Variants in ARHGAP31 observed in about 807,000 individuals in gnomAD.
ARHGAP31 encodes the protein rho GTPase-activating protein 31.
A neutral mutation model predicts 113.9 loss-of-function variants in ARHGAP31; 34 were observed. That is an observed-to-expected ratio of 0.30 (90% confidence interval 0.23 to 0.40). The LOEUF is 0.40. Ranked by LOEUF, ARHGAP31 falls within the 10% of genes least tolerant of loss-of-function variation. ARHGAP31 has a pLI of 1.00. For missense variants in ARHGAP31, 1,548 were observed against 1,767.1 expected, an observed-to-expected ratio of 0.88 and a Z score of 2.22; for synonymous variants, 650 against 684.8, an observed-to-expected ratio of 0.95 and a Z score of 0.79.
At chr3:119,382,651 G>A (rs937315170) in intron 5 of ARHGAP31, among the ~76,000 whole-genome samples, 2 of 152,208 alleles carry the variant, frequency 1.3e-5, no homozygotes, top group African/African-American at 2.4e-5. Flanking sequence ...TTATGGGTCT[G>A]TATGTTAAAA....
chr3:119,303,632 A>G (rs993805406), intron 1 of ARHGAP31, among the ~76,000 whole-genome samples: 2 of 152,152 alleles, frequency 1.3e-5, no homozygotes, highest in African/African-American at 4.8e-5. Flanking sequence ...CAAAAGCAAC[A>G]TATACCAGCT....
rs2079706090 is a variant in ARHGAP31 at position 119,313,917 on chromosome 3, C to CA, written c.100+18917dup. 2.0e-5 allele frequency among the ~76,000 whole-genome samples: 3 copies of CA among 152,296 alleles called. No homozygotes were observed. In the South Asian group the frequency reaches 6.2e-4, roughly 32 times the overall value. On this transcript the variant is annotated intron_variant, in intron 1 of 11. Transcript: ENST00000264245. Reference sequence around the variant, plus strand: ...TATATCCATAGATTCTTATAGTGGGCAAAAGGAGAATGTCTTAATAAGAGC... The same window carrying CA: ...TATATCCATAGATTCTTATAGTGGGCAAAAAGGAGAATGTCTTAATAAGAGC...
At chr3:119,361,538 C>T (rs555099936) in intron 1 of ARHGAP31, among the ~76,000 whole-genome samples, 1 of 152,246 alleles carries the variant, frequency 6.6e-6, no homozygotes, top group African/African-American at 2.4e-5. Flanking sequence ...CCCGCCACCA[C>T]ACCTGGCAAA....
At position 119,409,625 on chromosome 3, in the gene ARHGAP31, G is replaced by A; in HGVS notation, c.1775G>A (p.Ser592Asn). The A allele has an allele frequency of 6.2e-7, 1 of 1,613,702 alleles. No homozygotes were observed. Residue 592 changes from serine to asparagine, a missense_variant, in exon 11 of 12, where the codon AGC (serine) becomes AAC (asparagine). Ser to Asn is a conservative substitution (Grantham distance 46, BLOSUM62 1). Transcript: ENST00000264245. ...AHLEEKKTPE[S>N]SLSSQHLNEL... ...CTGGAGGAGAAGAAAACCCCAGAAA[G>A]CTCCTTGAGCTCTCAACATTTAAAT...
chr3:119,360,548 G>A (rs928016608), intron 1 of ARHGAP31, among the ~76,000 whole-genome samples: 1 of 152,200 alleles, frequency 6.6e-6, no homozygotes, highest in African/African-American at 2.4e-5. Flanking sequence ...GGGTGACTTC[G>A]AGAAATGTTT....
intron 2 of ARHGAP31, among the ~76,000 whole-genome samples, chr3:119,365,838 T>C (rs766750178): frequency 7.2e-5 from 11 of 152,204 alleles, no homozygotes; most frequent in Non-Finnish European, 1.5e-4. Flanking sequence ...ACCCTCAAAT[T>C]TGATGTTTTG....
chr3:119,387,183 C>T (rs926791986), intron 6 of ARHGAP31, among the ~76,000 whole-genome samples: 13 of 152,292 alleles, frequency 8.5e-5, no homozygotes, highest in Admixed American at 6.5e-5. Context: ...GACCACAGTC[C>T]GCCTGGTAAC....
At chr3:119,399,166 A>C (rs1221849890) in intron 8 of ARHGAP31, 33 bp from the exon 9 acceptor site, 1 of 1,592,736 alleles carries the variant, frequency 6.3e-7, no homozygotes, top group African/African-American at 1.3e-5. Flanking sequence ...GTTAATATGC[A>C]TTCATCAAGG....
intron 6 of ARHGAP31, among the ~76,000 whole-genome samples, chr3:119,385,091 A>T (rs1000519512): frequency 6.6e-6 from 1 of 151,524 alleles, no homozygotes; most frequent in African/African-American, 2.4e-5. Flanking sequence ...CACCTGGCTA[A>T]TTTTTTTTGT....
chr3:119,416,368 A>G lies in ARHGAP31; in HGVS notation c.*104A>G. 7 of 1,524,988 alleles carry G rather than the reference A, an allele frequency of 4.6e-6. No individual in the cohort carries two copies. The highest frequency in any genetic ancestry group is 1.4e-5 in the African/African-American group (1 of 73,174). The allele number at this position is 1,524,988 out of a possible 1,614,324, so 94.5% of individuals were successfully genotyped here. ...GGCACACGTTATCAAGTTTGGGCCT[A>G]TTGTGGCCTCTGACTTCTCTTTCTT... is the stretch of plus-strand genomic sequence containing the variant. On this transcript the variant is annotated 3_prime_UTR_variant, in exon 12 of 12. Transcript: ENST00000264245.
chr3:119,295,370 G>T (rs1342907095), intron 1 of ARHGAP31, among the ~76,000 whole-genome samples: 1 of 151,684 alleles, frequency 6.6e-6, no homozygotes, highest in Non-Finnish European at 1.5e-5. Context: ...ATGTGGGATG[G>T]TGATCAGTGG....
chr3:119,326,774 G>T (rs909441058), intron 1 of ARHGAP31, among the ~76,000 whole-genome samples: 1 of 152,168 alleles, frequency 6.6e-6, no homozygotes, highest in African/African-American at 2.4e-5. Flanking sequence ...TCTTGCGTTT[G>T]TATCTGCTAT....
At chr3:119,333,947 G>A (rs2079918344) in intron 1 of ARHGAP31, among the ~76,000 whole-genome samples, 1 of 152,168 alleles carries the variant, frequency 6.6e-6, no homozygotes, top group African/African-American at 2.4e-5. Context: ...TTTATGTTTG[G>A]TCTTTGTTAT....
Position 119,414,753 on chromosome 3 carries a change from A to G in ARHGAP31, c.2824A>G (p.Arg942Gly). The G allele has an allele frequency of 1.9e-6, 3 of 1,614,198 alleles. No homozygotes were observed. The highest frequency in any genetic ancestry group is 2.5e-6 in the Non-Finnish European group (3 of 1,180,024). Residue 942 changes from arginine (R) to glycine (G), a missense_variant, in exon 12 of 12, where the codon AGG becomes GGG. Arg to Gly is a moderately radical substitution (Grantham distance 125). Transcript: ENST00000264245. ...QGLQGHQLEK[R>G]LSHRPSLRQS... ...CCTTCAGGGTCACCAGTTGGAGAAG[A>G]GGCTTTCCCACAGGCCCAGCCTTCG...
At chr3:119,358,252 G>A (rs2080175901) in intron 1 of ARHGAP31, among the ~76,000 whole-genome samples, 1 of 152,024 alleles carries the variant, frequency 6.6e-6, no homozygotes, top group Admixed American at 6.5e-5. Flanking sequence ...GTAAGCACAA[G>A]AAAAGATGTT....
At chr3:119,381,128 A>C in intron 4 of ARHGAP31, 142 bp downstream of exon 4, 1 of 795,972 alleles carries the variant, frequency 1.3e-6, no homozygotes, top group Middle Eastern at 2.2e-4. Context: ...GTTGGTGAAC[A>C]GGTCACTATT....
At position 119,416,091 on chromosome 3, in the gene ARHGAP31, C is replaced by T. The variant is rs372543537; in HGVS notation, c.4162C>T (p.Leu1388Phe). The T allele has an allele frequency of 5.0e-6, 8 of 1,614,074 alleles. No individual in the cohort carries two copies. The African/African-American group carries it at 1.1e-4, about 22-fold the overall frequency. ...CACCCAGACAGTTTCCCCTGGCCTTCTTTGTGGAGAGTTGGCAGAAAACAC... is the reference window on the plus strand; with the variant it reads ...CACCCAGACAGTTTCCCCTGGCCTTTTTTGTGGAGAGTTGGCAGAAAACAC... ...SPTQTVSPGL[L>F]CGELAENTWV... The change falls in exon 12 of 12, where the codon CTT becomes TTT. Residue 1388 changes from leucine to phenylalanine, a missense_variant. Physicochemically the swap from Leu to Phe is conservative, Grantham distance 22 (BLOSUM62 0). Transcript: ENST00000264245.
At position 119,413,835 on chromosome 3, in the gene ARHGAP31, CA is replaced by C. The variant is rs2080740978; in HGVS notation, c.1927-20del. ...CCAGAGTACTTAGTTCTAAGACAAT[CA>C]GTTTATTGATGTTTTTCAGGATGAA... On this transcript the variant is annotated intron_variant, in intron 11 of 11. Coordinates refer to ENST00000264245, the MANE Select transcript of ARHGAP31 (RefSeq NM_020754.4). The C allele has an allele frequency of 1.2e-6, 2 of 1,614,026 alleles. No individual in the cohort carries two copies. The highest frequency in any genetic ancestry group is 1.7e-6 in the Non-Finnish European group (2 of 1,180,028).
At chr3:119,407,150 A>G (rs539345288) in intron 10 of ARHGAP31, among the ~76,000 whole-genome samples, 213 of 152,210 alleles carry the variant, frequency 1.4e-3, no homozygotes, top group African/African-American at 5.0e-3. Context: ...GTTTGAGACC[A>G]GCCTGGCAAA....
Sources: allele counts gnomAD v4.1 joint callset (sites outside exome capture counted in the v4.1 genomes callset), GRCh38; gene constraint gnomAD v4.1.1; transcripts MANE v1.5; gene names NCBI Gene and HGNC (gene_info 2026-07-23, HGNC 2026-07-21).